Variants in TSPAN18 observed in about 807,000 individuals in gnomAD.
TSPAN18 encodes the protein tetraspanin-18.
In TSPAN18, 14 loss-of-function variants were observed where a neutral mutation model predicts 27.3. The ratio of observed to expected loss-of-function variants is 0.51; its 90% CI spans 0.34 to 0.80. The LOEUF is 0.80. TSPAN18 is among the 30% of genes least tolerant of loss of function. TSPAN18 has a pLI of 0.01. For missense variants in TSPAN18, 268 were observed against 323.9 expected, an observed-to-expected ratio of 0.83 and a Z score of 1.32; for synonymous variants, 143 against 136.5, an observed-to-expected ratio of 1.05 and a Z score of -0.33.
At chr11:44,922,117 A>ATTTTTTTTT (rs10659284) in intron 8 of TSPAN18, among the ~76,000 whole-genome samples, 41 of 131,372 alleles carry the variant, frequency 3.1e-4, no homozygotes, top group African/African-American at 1.1e-3. Flanking sequence ...CCCAGGATGC[A>ATTTTTTTTT]TTTTTTTTTT....
At chr11:44,796,219 A>G (rs1856346287) in intron 2 of TSPAN18, among the ~76,000 whole-genome samples, 1 of 152,192 alleles carries the variant, frequency 6.6e-6, no homozygotes, top group Admixed American at 6.5e-5. Context: ...CTGTAATTTC[A>G]TTTTAATTAT....
At chr11:44,794,441 G>A (rs1366695377) in intron 2 of TSPAN18, among the ~76,000 whole-genome samples, 1 of 152,202 alleles carries the variant, frequency 6.6e-6, no homozygotes, top group Non-Finnish European at 1.5e-5. Flanking sequence ...CCCGAGGCAG[G>A]TGGATCACCT....
At chr11:44,853,222 G>A (rs902039102) in intron 2 of TSPAN18, among the ~76,000 whole-genome samples, 2 of 152,200 alleles carry the variant, frequency 1.3e-5, no homozygotes, top group Non-Finnish European at 2.9e-5. Flanking sequence ...GCAGCAGAGA[G>A]ACTGTGGAGG....
chr11:44,798,052 G>C (rs2135060219), intron 2 of TSPAN18, among the ~76,000 whole-genome samples: 1 of 152,232 alleles, frequency 6.6e-6, no homozygotes, highest in East Asian at 1.9e-4. Context: ...TTGTTGCTGA[G>C]GTTATTAACA....
intron 2 of TSPAN18, among the ~76,000 whole-genome samples, chr11:44,780,003 C>T (rs1565145528): frequency 6.6e-6 from 1 of 152,352 alleles, no homozygotes; most frequent in East Asian, 1.9e-4. Flanking sequence ...ACACCTGCCT[C>T]CGCATTCCTA....
intron 3 of TSPAN18, among the ~76,000 whole-genome samples, chr11:44,866,485 G>A (rs1051434300): frequency 2.0e-5 from 3 of 152,322 alleles, no homozygotes; most frequent in African/African-American, 7.2e-5. Flanking sequence ...ATGAGGCCAG[G>A]TGGGCAGCAG....
chr11:44,806,997 G>T (rs1381235466), intron 2 of TSPAN18, among the ~76,000 whole-genome samples: 1 of 152,048 alleles, frequency 6.6e-6, no homozygotes, highest in African/African-American at 2.4e-5. Flanking sequence ...TTCCTGAACA[G>T]TGCTGCTTAA....
At chr11:44,736,773 G>T (rs1453271355) in intron 1 of TSPAN18, 1 of 152,198 alleles carries the variant, frequency 6.6e-6, no homozygotes, top group African/African-American at 2.4e-5. Context: ...TCAAATGCCA[G>T]TTCAGCTTCA....
rs12223561 is a variant in TSPAN18, at chr11:44,850,931, A to T, written c.-152-9397A>T. On this transcript the variant is annotated intron_variant, in intron 2 of 9. Coordinates refer to ENST00000520358, the MANE Select transcript of TSPAN18 (RefSeq NM_130783.5). ...TCTGCCTTCCACTCCAGGGTTAAAG[A>T]TGGTGGAATACCTCTGTCTCCTTAC... Among the ~76,000 whole-genome samples the T allele has an allele frequency of 1.6e-3, 249 of 152,262 alleles. 7 individuals are homozygous for T. In the East Asian group the frequency reaches 0.038, roughly 23 times the overall value.
chr11:44,748,168 G>A (rs1019036320), intron 1 of TSPAN18, among the ~76,000 whole-genome samples: 1 of 152,208 alleles, frequency 6.6e-6, no homozygotes, highest in Non-Finnish European at 1.5e-5. Flanking sequence ...AGCACTTTGA[G>A]AGGCCAAGGC....
At chr11:44,788,211 G>A (rs1036452540) in intron 2 of TSPAN18, among the ~76,000 whole-genome samples, 4 of 152,198 alleles carry the variant, frequency 2.6e-5, no homozygotes, top group Non-Finnish European at 5.9e-5. Flanking sequence ...CCCCAGATGG[G>A]CGGGATTGGT....
intron 3 of TSPAN18, among the ~76,000 whole-genome samples, chr11:44,873,292 C>T (rs1299842897): frequency 6.6e-6 from 1 of 152,084 alleles, no homozygotes; most frequent in East Asian, 1.9e-4. Flanking sequence ...GATTTTTTTC[C>T]AGCACTCAAG....
Position 44,919,156 on chromosome 11 carries a change from A to T in TSPAN18, c.334-58A>T, listed in dbSNP as rs1474326358. The T allele has an allele frequency of 7.4e-6, 10 of 1,355,188 alleles. No homozygotes were observed. In the Admixed American group the frequency reaches 1.7e-4, roughly 23 times the overall value. The allele number at this position is 1,355,188 out of a possible 1,614,324, so 83.9% of individuals were successfully genotyped here. On this transcript the variant is annotated intron_variant, in intron 6 of 9. Transcript: ENST00000520358. ...AAGCAGGTGGATGGAGAGACGATGG[A>T]GGGTGGGGGCTGCACCCAACTGCCA...
At chr11:44,844,280 T>C (rs1372851124) in intron 2 of TSPAN18, among the ~76,000 whole-genome samples, 1 of 148,488 alleles carries the variant, frequency 6.7e-6, no homozygotes, top group African/African-American at 2.6e-5. Flanking sequence ...ATCGTTTCCT[T>C]TTTTTTTTGG....
chr11:44,843,989 A>G (rs1038906590), intron 2 of TSPAN18, among the ~76,000 whole-genome samples: 10 of 152,222 alleles, frequency 6.6e-5, no homozygotes, highest in African/African-American at 2.4e-4. Context: ...TGACAGGATT[A>G]AGAGATTAAA....
chr11:44,861,632 A>G (rs835752), intron 3 of TSPAN18, among the ~76,000 whole-genome samples: 88,120 of 151,186 alleles, frequency 0.58, 26,031 homozygotes, highest in East Asian at 0.75. Context: ...ACAAAGCAGC[A>G]GATTCTCCCT....
At chr11:44,824,847 C>T (rs1245122983) in intron 2 of TSPAN18, among the ~76,000 whole-genome samples, 2 of 152,212 alleles carry the variant, frequency 1.3e-5, no homozygotes, top group African/African-American at 4.8e-5. Context: ...ATGATGCTCT[C>T]ATTCATTCAT....
intron 8 of TSPAN18, among the ~76,000 whole-genome samples, chr11:44,922,156 G>A (rs564165657): frequency 8.0e-4 from 113 of 140,944 alleles, no homozygotes; most frequent in African/African-American, 3.0e-3. Context: ...TCGCTCTGTC[G>A]CTCAGGCTGG....
intron 1 of TSPAN18, among the ~76,000 whole-genome samples, chr11:44,727,817 G>C (rs1321604126): frequency 6.6e-6 from 1 of 152,192 alleles, no homozygotes; most frequent in African/African-American, 2.4e-5. Context: ...GGCGCCACTC[G>C]TTCCTCCAGG....
Sources: allele counts gnomAD v4.1 joint callset (sites outside exome capture counted in the v4.1 genomes callset), GRCh38; gene constraint gnomAD v4.1.1; transcripts MANE v1.5; gene names NCBI Gene and HGNC (gene_info 2026-07-23, HGNC 2026-07-21).